The following CELA1 variants were observed in gnomAD, a reference collection of about 807,000 sequenced individuals.
CELA1 encodes the protein chymotrypsin like elastase 1, also known as chymotrypsin-like elastase family member 1.
A neutral mutation model predicts 34.8 loss-of-function variants in CELA1; 28 were observed. The ratio of observed to expected loss-of-function variants is 0.80; its 90% CI spans 0.60 to 1.10. The LOEUF is 1.10. CELA1 is among the 50% of genes least tolerant of loss of function. The pLI is 0.00. For synonymous variants in CELA1, 140 were observed against 129.8 expected (o/e 1.08, Z -0.53); for missense variants, 288 against 327.5 (o/e 0.88, Z 0.93).
intron 6 of CELA1, among the ~76,000 whole-genome samples, chr12:51,337,466 A>C (rs1443588579): frequency 4.9e-5 from 6 of 123,078 alleles, no homozygotes; most frequent in African/African-American, 1.5e-4. Context: ...GAGCCCAGGA[A>C]GTTGAGGCTG....
In CELA1 at chr12:51,329,843, G is replaced by A. The variant is rs201388963; in HGVS notation, c.610-10C>T. The A allele has an allele frequency of 1.3e-6, 2 of 1,592,148 alleles. No homozygotes were observed. Among genetic ancestry groups the A allele is most frequent in the East Asian group, 4.5e-5 (2 of 44,390 alleles). On this transcript the variant is annotated splice_polypyrimidine_tract_variant and intron_variant, in intron 6 of 7. Coordinates refer to ENST00000293636, the MANE Select transcript of CELA1 (RefSeq NM_001971.6). ...GGCCCCCAGAGTCACCCTGCAGGGA[G>A]GAGAAACAGAATCCTAAAACTCCAG...
At chr12:51,329,584 A>G in intron 7 of CELA1, 100 bp downstream of exon 7, 1 of 1,257,032 alleles carries the variant, frequency 8.0e-7, no homozygotes, top group East Asian at 2.4e-5. Context: ...GGTAAGGAAG[A>G]TGACGGCTTG....
chr12:51,330,850 G>A (rs1428051960), intron 6 of CELA1, among the ~76,000 whole-genome samples: 1 of 149,948 alleles, frequency 6.7e-6, no homozygotes, highest in African/African-American at 2.5e-5. Context: ...GGCGCCTGTA[G>A]TCCCAGCTAC....
intron 6 of CELA1, among the ~76,000 whole-genome samples, chr12:51,338,804 T>C (rs757621030): frequency 5.9e-5 from 9 of 152,166 alleles, no homozygotes; most frequent in Non-Finnish European, 1.2e-4. Context: ...TAATGAATAG[T>C]TGTTAAACTG....
chr12:51,332,423 G>C (rs1946475547), intron 6 of CELA1, among the ~76,000 whole-genome samples: 1 of 152,124 alleles, frequency 6.6e-6, no homozygotes, highest in South Asian at 2.1e-4. Context: ...AAATAGCAGT[G>C]TAAGTATATA....
chr12:51,338,045 C>T (rs949135283), intron 6 of CELA1, among the ~76,000 whole-genome samples: 10 of 151,340 alleles, frequency 6.6e-5, no homozygotes, highest in Admixed American at 5.9e-4. Flanking sequence ...TCGAGACCAG[C>T]CTTGCAAACA....
intron 1 of CELA1, 81 bp downstream of exon 1, chr12:51,346,542 G>C: frequency 7.3e-7 from 1 of 1,367,014 alleles, no homozygotes; most frequent in South Asian, 1.2e-5. Flanking sequence ...TCCTGCCCAA[G>C]TCCCCCTCCC....
chr12:51,338,287 CAT>C (rs35600345), intron 6 of CELA1, among the ~76,000 whole-genome samples: 34,469 of 123,292 alleles, frequency 0.28, 4,808 homozygotes, highest in South Asian at 0.34. Context: ...CACACACACA[CAT>C]ACACATACGC....
chr12:51,344,599 G>A (rs1231551371), intron 2 of CELA1, among the ~76,000 whole-genome samples: 1 of 152,184 alleles, frequency 6.6e-6, no homozygotes, highest in Non-Finnish European at 1.5e-5. Context: ...GCTGAGGCAG[G>A]AGAATTGCTT....
intron 6 of CELA1, among the ~76,000 whole-genome samples, chr12:51,338,097 A>T (rs998972608): frequency 6.9e-6 from 1 of 145,032 alleles, no homozygotes; most frequent in African/African-American, 2.6e-5. Context: ...AAATTAGCAG[A>T]TGTGGTGGTG....
intron 6 of CELA1, among the ~76,000 whole-genome samples, chr12:51,331,115 A>G (rs2137474552): frequency 8.3e-6 from 1 of 119,784 alleles, no homozygotes; most frequent in African/African-American, 3.1e-5. Flanking sequence ...TAGGCTGGGC[A>G]TGGTGGCTCC....
At chr12:51,340,697 G>T (rs748214349) in intron 5 of CELA1, among the ~76,000 whole-genome samples, 7 of 152,094 alleles carry the variant, frequency 4.6e-5, no homozygotes, top group Admixed American at 6.6e-5. Flanking sequence ...CTGGACCTTG[G>T]TTTCCTCATG....
At position 51,328,946 on chromosome 12, in the gene CELA1, G is replaced by C. The variant is rs17860369; in HGVS notation, c.760-352C>G. ...CACCTAACTCTCAAGCATTATTTAA[G>C]GTGGTAAAACCTGTCAAAAATTAGA... is the stretch of plus-strand genomic sequence containing the variant. On this transcript the variant is annotated intron_variant, in intron 7 of 7. Coordinates refer to ENST00000293636, the MANE Select transcript of CELA1 (RefSeq NM_001971.6). Among the ~76,000 whole-genome samples the C allele has an allele frequency of 5.9e-3, 897 of 152,264 alleles. 5 individuals are homozygous for C. Among genetic ancestry groups the C allele is most frequent in the Non-Finnish European group, 9.4e-3 (639 of 68,018 alleles).
chr12:51,330,126 C>G (rs1946461690), intron 6 of CELA1, among the ~76,000 whole-genome samples: 1 of 152,184 alleles, frequency 6.6e-6, no homozygotes, highest in Admixed American at 6.5e-5. Flanking sequence ...AAAACTCTTA[C>G]CAAGATCTTT....
At position 51,342,190 on chromosome 12, in the gene CELA1, CTAA is replaced by C. The variant is rs1946540035; in HGVS notation, c.326+382_326+384del. On this transcript the variant is annotated intron_variant, in intron 4 of 7. Coordinates refer to ENST00000293636, the MANE Select transcript of CELA1 (RefSeq NM_001971.6). Reference sequence around the variant, plus strand: ...TACAGGCACATGCCACCATGCCTGGCTAATTTTTTTTTTTTTGTATTTTTAGTA... The same window carrying C: ...TACAGGCACATGCCACCATGCCTGGCTTTTTTTTTTTTTGTATTTTTAGTA... Among the ~76,000 whole-genome samples the C allele has an allele frequency of 3.3e-5, 5 of 150,398 alleles. 1 individual carries two copies. In the South Asian group the frequency reaches 1.0e-3, roughly 31 times the overall value.
In CELA1 at chr12:51,342,706, G is replaced by A. The variant is rs201676311; in HGVS notation, c.201-6C>T. On this transcript the variant is annotated splice_region_variant and splice_polypyrimidine_tract_variant and intron_variant, in intron 3 of 7. Coordinates refer to ENST00000293636, the MANE Select transcript of CELA1 (RefSeq NM_001971.6). ...CCACGCGGAAAGTCTTCTGGCTGGC[G>A]TGAGAGAAGGAATCCCTGAGTCATC... is the stretch of plus-strand genomic sequence containing the variant. 4.8e-5 allele frequency: 77 copies of A among 1,613,940 alleles called. No homozygotes were observed. In the East Asian group the frequency reaches 5.8e-4, roughly 12 times the overall value.
chr12:51,341,953 T>C (rs1418436439), intron 4 of CELA1, among the ~76,000 whole-genome samples: 2 of 152,198 alleles, frequency 1.3e-5, no homozygotes, highest in East Asian at 3.9e-4. Flanking sequence ...CATTAAAATC[T>C]GCAGAGAATG....
rs1018000756 is a variant in CELA1, at chr12:51,337,902, C to T, written c.609+1958G>A. 3.4e-5 allele frequency among the ~76,000 whole-genome samples: 5 copies of T among 148,492 alleles called. 1 individual carries two copies. In the Admixed American group the frequency reaches 3.5e-4, roughly 10 times the overall value. On this transcript the variant is annotated intron_variant, in intron 6 of 7. Transcript: ENST00000293636. ...CTCCAGCCTGGGCAACAGAGTGAGA[C>T]GCTGTCTCAAAAAAAAAACAAATAT...
intron 3 of CELA1, among the ~76,000 whole-genome samples, chr12:51,343,049 T>C (rs1322328980): frequency 6.6e-6 from 1 of 152,100 alleles, no homozygotes; most frequent in Non-Finnish European, 1.5e-5. Context: ...CATTCCCTAA[T>C]TGACTAACTT....
Sources: allele counts gnomAD v4.1 joint callset (sites outside exome capture counted in the v4.1 genomes callset), GRCh38; gene constraint gnomAD v4.1.1; transcripts MANE v1.5; gene names NCBI Gene and HGNC (gene_info 2026-07-23, HGNC 2026-07-21).